ABL1: variants seen among roughly 807,000 people sequenced by gnomAD.
ABL1 encodes the protein ABL proto-oncogene 1, non-receptor tyrosine kinase.
A neutral mutation model predicts 94.7 loss-of-function variants in ABL1; 11 were observed. That is an observed-to-expected ratio of 0.12 (90% CI 0.07 to 0.19). The LOEUF is 0.19. ABL1 is among the 10% of genes least tolerant of loss of function. The probability of loss-of-function intolerance (pLI) is 1.00; values close to 1 mark genes in which losing one functional copy is unlikely to be tolerated. For synonymous variants in ABL1, 656 were observed against 622.4 expected (o/e 1.05, Z -0.80); for missense variants, 1,082 against 1,489.4 (o/e 0.73, Z 4.50).
At position 130,854,049 on chromosome 9, in the gene ABL1, C is replaced by G. The variant is rs762935028; in HGVS notation, c.80-15C>G. ...CTTCCTTTTTCTTTTTTCTGTTCCC[C>G]CCTTTCTCTTCCAGAAGCCCTTCAG... On this transcript the variant is annotated splice_polypyrimidine_tract_variant and intron_variant, in intron 1 of 10. Transcript: ENST00000318560. 2 of 1,587,004 alleles carry G rather than the reference C, an allele frequency of 1.3e-6. No homozygotes were observed. The highest frequency in any genetic ancestry group is 1.7e-6 in the Non-Finnish European group (2 of 1,167,906).
intron 1 of ABL1, among the ~76,000 whole-genome samples, chr9:130,727,986 A>T (rs891152677): frequency 2.0e-5 from 3 of 152,132 alleles, no homozygotes; most frequent in Non-Finnish European, 4.4e-5. Flanking sequence ...GAAGAAAAAG[A>T]AAAGGTAGAA....
chr9:130,759,742 T>A (rs1395203028), intron 1 of ABL1, among the ~76,000 whole-genome samples: 2 of 152,148 alleles, frequency 1.3e-5, no homozygotes. Context: ...GGAGCCGGTA[T>A]AGGAGGCTTC....
chr9:130,835,358 G>C lies in ABL1; in HGVS notation c.-89G>C, dbSNP rs777942802. 1.4e-5 allele frequency: 10 copies of C among 718,102 alleles called. No homozygotes were observed. The highest frequency in any genetic ancestry group is 2.0e-4 in the East Asian group (2 of 10,008). 44.5% of individuals were successfully genotyped at this position (718,102 alleles called of 1,614,324 possible). A position where few individuals can be genotyped will look rare whatever the true frequency, so the allele number is the denominator to read the frequency against. On this transcript the variant is annotated 5_prime_UTR_variant, in exon 1 of 11. Coordinates refer to ENST00000318560, the MANE Select transcript of ABL1 (RefSeq NM_005157.6). The surrounding 1 kb of genome is among the most constrained non-coding windows in gnomAD (Gnocchi z 4.6). ...CGGCTGGCGGGGCCGGGGGCGCCGG[G>C]GGGGCGCGCGGGCCGAGCCGGGCCT...
intron 1 of ABL1, among the ~76,000 whole-genome samples, chr9:130,794,442 G>C (rs1455654023): frequency 6.6e-5 from 10 of 151,930 alleles, no homozygotes; most frequent in Admixed American, 5.9e-4. Context: ...TTTTTTAAAG[G>C]CCAAGTTTAA....
At chr9:130,826,853 C>T (rs953120252) in intron 1 of ABL1, among the ~76,000 whole-genome samples, 2 of 151,974 alleles carry the variant, frequency 1.3e-5, no homozygotes, top group African/African-American at 2.4e-5. Context: ...CCGAGGCGGG[C>T]GGATCACAAG....
At chr9:130,871,137 C>T (rs1010567808) in intron 4 of ABL1, among the ~76,000 whole-genome samples, 3 of 152,244 alleles carry the variant, frequency 2.0e-5, no homozygotes, top group African/African-American at 7.2e-5. Context: ...GGAGGCATCT[C>T]GCTTCCTCCT....
chr9:130,780,164 G>A (rs928498369), intron 1 of ABL1, among the ~76,000 whole-genome samples: 6 of 152,090 alleles, frequency 3.9e-5, no homozygotes, highest in African/African-American at 1.2e-4. Flanking sequence ...GCAGGCACCC[G>A]TAATCCCAGC....
chr9:130,797,943 T>C (rs1003594534), intron 1 of ABL1, among the ~76,000 whole-genome samples: 2 of 152,086 alleles, frequency 1.3e-5, no homozygotes, highest in African/African-American at 4.8e-5. Flanking sequence ...GTCTTTTCAC[T>C]TTTTTCCCTC....
chr9:130,838,685 G>C (rs184736672), intron 1 of ABL1, among the ~76,000 whole-genome samples: 36 of 152,242 alleles, frequency 2.4e-4, no homozygotes, highest in African/African-American at 8.4e-4. Context: ...GGTCTACTTT[G>C]AACACTGAAT....
chr9:130,760,372 C>G (rs1832095545), intron 1 of ABL1, among the ~76,000 whole-genome samples: 1 of 152,036 alleles, frequency 6.6e-6, no homozygotes, highest in African/African-American at 2.4e-5. Context: ...GCTACTGTCC[C>G]CCTGATCATT....
chr9:130,726,854 A>G (rs1329687050), intron 1 of ABL1, among the ~76,000 whole-genome samples: 1 of 152,232 alleles, frequency 6.6e-6, no homozygotes, highest in Non-Finnish European at 1.5e-5. Context: ...CTTGTCCAAC[A>G]TAGGCATTTA....
Position 130,802,095 on chromosome 9 carries a change from C to CTTTTTTTTTTT in ABL1, c.137-51964_137-51954dup, listed in dbSNP as rs3085157. ...AGTCTGTTCATTTTTTTCCTTCAGT[C>CTTTTTTTTTTT]TTTTTTTTTTTTTTTGAAATGGTCT... On this transcript the variant is annotated intron_variant, in intron 1 of 10. Coordinates refer to the ABL1 transcript ENST00000372348. 1.7e-4 allele frequency among the ~76,000 whole-genome samples: 23 copies of CTTTTTTTTTTT among 132,090 alleles called. 1 individual carries two copies. Among genetic ancestry groups the CTTTTTTTTTTT allele is most frequent in the African/African-American group, 4.7e-4 (16 of 33,764 alleles). The allele number at this position is 132,090 out of a possible 152,430, so 86.7% of individuals were successfully genotyped here.
intron 1 of ABL1, among the ~76,000 whole-genome samples, chr9:130,800,118 C>G (rs1023204618): frequency 6.6e-6 from 1 of 152,104 alleles, no homozygotes; most frequent in South Asian, 2.1e-4. Context: ...GTGATCCACA[C>G]GCCTCAGCCT....
At chr9:130,805,530 ATGAT>A (rs1362548408) in intron 1 of ABL1, among the ~76,000 whole-genome samples, 2 of 152,196 alleles carry the variant, frequency 1.3e-5, no homozygotes, top group South Asian at 2.1e-4. Context: ...ACAATTGTTT[ATGAT>A]TGATTGATCT....
chr9:130,790,337 A>C (rs1391729045), intron 1 of ABL1, among the ~76,000 whole-genome samples: 2 of 152,208 alleles, frequency 1.3e-5, no homozygotes, highest in East Asian at 3.8e-4. Context: ...GAGGGGCCTC[A>C]TGCACACATG....
chr9:130,761,205 G>A (rs1178937932), intron 1 of ABL1, among the ~76,000 whole-genome samples: 1 of 152,158 alleles, frequency 6.6e-6, no homozygotes, highest in Non-Finnish European at 1.5e-5. Flanking sequence ...CTGACCTCGT[G>A]ATCCACCCGC....
chr9:130,751,452 A>G (rs1371780965), intron 1 of ABL1, among the ~76,000 whole-genome samples: 1 of 151,962 alleles, frequency 6.6e-6, no homozygotes, highest in Non-Finnish European at 1.5e-5. Context: ...CAAACCTACT[A>G]TTTTTAATGG....
Position 130,876,521 on chromosome 9 carries a change from A to G in ABL1, c.1270+1469A>G, listed in dbSNP as rs1210188649. ...CAACCTCCGCCTACCAGATTCAAGCAATTCTTCTGCCTCAGCCTCCCAAGT... is the reference window on the plus strand; with the variant it reads ...CAACCTCCGCCTACCAGATTCAAGCGATTCTTCTGCCTCAGCCTCCCAAGT... On this transcript the variant is annotated intron_variant, in intron 7 of 10. Transcript: ENST00000318560. Among the ~76,000 whole-genome samples, 8 of 149,540 alleles carry G rather than the reference A, an allele frequency of 5.3e-5. No homozygotes were observed. The South Asian group carries it at 1.7e-3, about 32-fold the overall frequency.
intron 1 of ABL1, among the ~76,000 whole-genome samples, chr9:130,847,490 G>A (rs1830790965): frequency 1.3e-5 from 2 of 152,108 alleles, no homozygotes; most frequent in Admixed American, 6.6e-5. Context: ...CTGCAACTTT[G>A]GCCTTGTAAG....
Sources: allele counts gnomAD v4.1 joint callset (sites outside exome capture counted in the v4.1 genomes callset), GRCh38; gene constraint gnomAD v4.1.1; non-coding constraint Gnocchi (gnomAD v3.1); transcripts MANE v1.5; gene names NCBI Gene and HGNC (gene_info 2026-07-23, HGNC 2026-07-21).